The following ANKFN1 variants were observed in gnomAD, a reference collection of about 807,000 sequenced individuals.
The protein encoded by ANKFN1 is ankyrin repeat and fibronectin type-III domain-containing protein 1.
In ANKFN1, 74 loss-of-function variants were observed where a neutral mutation model predicts 108.7. The ratio of observed to expected loss-of-function variants is 0.68; its 90% CI spans 0.56 to 0.83. The LOEUF (loss-of-function observed/expected upper bound fraction) is 0.83. ANKFN1 is among the 40% of genes least tolerant of loss of function. The pLI, the probability that ANKFN1 is intolerant of heterozygous loss-of-function variation, is 0.00. For missense variants in ANKFN1, 1,505 were observed against 1,382.3 expected (o/e 1.09, Z -1.41); for synonymous variants, 547 against 516.2 (o/e 1.06, Z -0.81).
intron 4 of ANKFN1, among the ~76,000 whole-genome samples, chr17:56,343,585 G>A (rs78607571): frequency 0.011 from 1,724 of 151,838 alleles, 49 homozygotes; most frequent in African/African-American, 0.039. Flanking sequence ...CTCTCTTTGA[G>A]TTTATTCTAC....
At chr17:56,252,829 G>A (rs533148138) in intron 3 of ANKFN1, among the ~76,000 whole-genome samples, 6 of 151,890 alleles carry the variant, frequency 4.0e-5, no homozygotes, top group Admixed American at 3.9e-4. Flanking sequence ...GGAGCCCCAC[G>A]AGGGAGGATC....
At chr17:56,370,116 T>C (rs572511637) in intron 6 of ANKFN1, among the ~76,000 whole-genome samples, 2 of 152,290 alleles carry the variant, frequency 1.3e-5, no homozygotes, top group Admixed American at 1.3e-4. Context: ...GTCACCACTA[T>C]ATTACATTAG....
chr17:56,099,227 C>T (rs1598094883), intron 4 of ANKFN1, among the ~76,000 whole-genome samples: 1 of 152,200 alleles, frequency 6.6e-6, no homozygotes, highest in Non-Finnish European at 1.5e-5. Flanking sequence ...CTGAGGCTTT[C>T]ACTCTGAAGA....
chr17:56,513,464 T>C lies in ANKFN1; in HGVS notation c.*2195T>C, dbSNP rs771441524. Among the ~76,000 whole-genome samples, 1 of 152,224 alleles carries C rather than the reference T, an allele frequency of 6.6e-6. No homozygotes were observed. Among genetic ancestry groups the C allele is most frequent in the Non-Finnish European group, 1.5e-5 (1 of 68,038 alleles). ...CTCAGTTTCTACTTATTTCTAATTATAAAATGGATTACTTTGTTCAATGAG... is the reference window on the plus strand; with the variant it reads ...CTCAGTTTCTACTTATTTCTAATTACAAAATGGATTACTTTGTTCAATGAG... On this transcript the variant is annotated 3_prime_UTR_variant, in exon 21 of 21. Coordinates refer to ENST00000682825, the MANE Select transcript of ANKFN1 (RefSeq NM_001370326.1).
chr17:56,437,228 C>T (rs1446003950), intron 8 of ANKFN1, among the ~76,000 whole-genome samples: 2 of 152,192 alleles, frequency 1.3e-5, no homozygotes, highest in African/African-American at 4.8e-5. Context: ...ACACTCTTTT[C>T]CACCTGAAAC....
At chr17:56,192,221 C>T (rs1273551879) in intron 1 of ANKFN1, among the ~76,000 whole-genome samples, 4 of 149,184 alleles carry the variant, frequency 2.7e-5, no homozygotes, top group Admixed American at 1.3e-4. Flanking sequence ...AAACTGGATC[C>T]CTTCCTTACA....
chr17:56,153,369 C>T (rs1005956959), upstream of ANKFN1: 15 of 1,028,592 alleles, frequency 1.5e-5, no homozygotes, highest in South Asian at 9.6e-5. Context: ...GGAGCCAAGC[C>T]GTGGGAGAGG....
chr17:56,057,210 G>A (rs138317303), intron 4 of ANKFN1, among the ~76,000 whole-genome samples: 5 of 152,254 alleles, frequency 3.3e-5, no homozygotes, highest in African/African-American at 1.2e-4. Flanking sequence ...CACATTTGCA[G>A]TTACTTCCTC....
At chr17:56,503,982 A>G (rs1279445790) in intron 20 of ANKFN1, among the ~76,000 whole-genome samples, 1 of 152,204 alleles carries the variant, frequency 6.6e-6, no homozygotes, top group Non-Finnish European at 1.5e-5. Flanking sequence ...GAATCTGGGG[A>G]TGGAAGCTGC....
intron 3 of ANKFN1, among the ~76,000 whole-genome samples, chr17:56,310,770 G>C (rs2044998293): frequency 6.6e-6 from 1 of 150,808 alleles, no homozygotes; most frequent in Non-Finnish European, 1.5e-5. Flanking sequence ...GTGTGTGTGT[G>C]TGTAGAACAT....
At chr17:56,081,776 A>G (rs7220205) in intron 4 of ANKFN1, among the ~76,000 whole-genome samples, 106,113 of 151,984 alleles carry the variant, frequency 0.7, 37,510 homozygotes, top group Middle Eastern at 0.77. Flanking sequence ...GTAAGCAAGC[A>G]CAGTGCGTTT....
chr17:56,055,596 T>TATACAC (rs768200056), intron 4 of ANKFN1, among the ~76,000 whole-genome samples: 8 of 130,602 alleles, frequency 6.1e-5, no homozygotes, highest in African/African-American at 1.9e-4. Context: ...TATGTATATA[T>TATACAC]ACACATTTTT....
intron 8 of ANKFN1, among the ~76,000 whole-genome samples, chr17:56,401,555 A>AT (rs372080004): frequency 6.6e-6 from 1 of 151,930 alleles, no homozygotes; most frequent in African/African-American, 2.4e-5. Flanking sequence ...ACTTTGCCAA[A>AT]TTTTTTTATC....
rs190800341 is a variant in ANKFN1 at position 56,485,240 on chromosome 17, A to C, written c.2260+2716A>C. Among the ~76,000 whole-genome samples the C allele has an allele frequency of 5.3e-5, 8 of 152,368 alleles. No homozygotes were observed. In the East Asian group the frequency reaches 1.3e-3, roughly 26 times the overall value. On this transcript the variant is annotated intron_variant, in intron 18 of 20. Transcript: ENST00000682825. ...CAATCAATAAACCATAATATTGTAA[A>C]TATCAGAGAAGTGAAGGTCATGAAG...
intron 8 of ANKFN1, among the ~76,000 whole-genome samples, chr17:56,433,957 A>C (rs2048847436): frequency 6.6e-6 from 1 of 152,174 alleles, no homozygotes; most frequent in Non-Finnish European, 1.5e-5. Flanking sequence ...AATTGCTTGA[A>C]CCCGGGAGGC....
intron 3 of ANKFN1, among the ~76,000 whole-genome samples, chr17:56,229,513 A>G (rs1916541152): frequency 6.6e-6 from 1 of 152,006 alleles, no homozygotes; most frequent in Admixed American, 6.6e-5. Flanking sequence ...ACCGAAAGAT[A>G]CTTGGTATAT....
intron 1 of ANKFN1, among the ~76,000 whole-genome samples, chr17:56,171,784 A>C (rs1910715401): frequency 6.6e-6 from 1 of 152,178 alleles, no homozygotes; most frequent in African/African-American, 2.4e-5. Context: ...GAAGATAGAA[A>C]ACAGCAGGGA....
chr17:56,046,909 C>T (rs1904687790), intron 4 of ANKFN1, among the ~76,000 whole-genome samples: 1 of 152,150 alleles, frequency 6.6e-6, no homozygotes, highest in Non-Finnish European at 1.5e-5. Context: ...ATCCTCTCAG[C>T]CTGGGGAAAA....
At chr17:56,102,752 C>A (rs1364869685) in intron 4 of ANKFN1, among the ~76,000 whole-genome samples, 7 of 152,086 alleles carry the variant, frequency 4.6e-5, no homozygotes, top group Non-Finnish European at 1.0e-4. Flanking sequence ...ATAACATCAT[C>A]ATTTTTATTA....
Sources: gnomAD v4.1 joint callset for allele counts (sites outside exome capture counted in the v4.1 genomes callset) on GRCh38, gnomAD v4.1.1 for gene constraint, MANE v1.5 for transcripts, NCBI Gene and HGNC (gene_info 2026-07-23, HGNC 2026-07-21) for gene names.